GPHN: variants seen among roughly 807,000 people sequenced by gnomAD.
The protein encoded by GPHN is gephyrin.
In GPHN, 17 loss-of-function variants were observed where a neutral mutation model predicts 95.5. That is an observed-to-expected ratio of 0.18 (90% confidence interval 0.12 to 0.27). The LOEUF is 0.27. Ranked by LOEUF, GPHN falls within the 10% of genes least tolerant of loss-of-function variation. The probability of loss-of-function intolerance (pLI) is 1.00; values close to 1 mark genes in which losing one functional copy is unlikely to be tolerated. For synonymous variants in GPHN, 320 were observed against 322.5 expected (o/e 0.99, Z 0.08); for missense variants, 660 against 978.1 (o/e 0.67, Z 4.34).
At chr14:67,064,233 G>A (rs540004397) in intron 11 of GPHN, among the ~76,000 whole-genome samples, 75 of 152,196 alleles carry the variant, frequency 4.9e-4, no homozygotes, top group Middle Eastern at 3.4e-3. Flanking sequence ...GATGGATTAC[G>A]TTTATTGATT....
chr14:67,526,730 G>C, the GPHN span, among the ~76,000 whole-genome samples: 3 of 152,022 alleles, frequency 2.0e-5, no homozygotes, highest in African/African-American at 2.4e-5. Flanking sequence ...TGGGGCTCAG[G>C]GTCCTTGAAG....
chr14:66,575,067 C>T (rs1477835082), intron 1 of GPHN, among the ~76,000 whole-genome samples: 1 of 152,136 alleles, frequency 6.6e-6, no homozygotes, highest in Middle Eastern at 3.2e-3. Flanking sequence ...ATATATACAT[C>T]CTATTGATTC....
chr14:66,940,176 A>G (rs1363349887), intron 8 of GPHN, among the ~76,000 whole-genome samples: 2 of 151,982 alleles, frequency 1.3e-5, no homozygotes, highest in Non-Finnish European at 2.9e-5. Flanking sequence ...GGAGTGTCCC[A>G]TAGTATGGAG....
chr14:67,320,377 G>A, the GPHN span: 15 of 1,606,370 alleles, frequency 9.3e-6, no homozygotes, highest in Admixed American at 8.5e-5. Context: ...GAAAAGGACC[G>A]CTTTGCATCT....
chr14:67,236,859 G>A, the GPHN span, among the ~76,000 whole-genome samples: 68 of 152,104 alleles, frequency 4.5e-4, no homozygotes, highest in African/African-American at 1.6e-3. Context: ...AGGCCGAGGT[G>A]GGCAAATCAT....
chr14:67,427,627 C>G, the GPHN span, among the ~76,000 whole-genome samples: 2 of 152,188 alleles, frequency 1.3e-5, no homozygotes, highest in African/African-American at 4.8e-5. Flanking sequence ...AGTTCTTATT[C>G]CCAGGGCTCT....
At chr14:66,572,252 C>G (rs535714521) in intron 1 of GPHN, among the ~76,000 whole-genome samples, 1 of 152,200 alleles carries the variant, frequency 6.6e-6, no homozygotes, top group African/African-American at 2.4e-5. Flanking sequence ...TTGGTCGTTC[C>G]ATGTGAATTT....
At chr14:66,720,696 T>G (rs572531704) in intron 2 of GPHN, among the ~76,000 whole-genome samples, 9 of 152,328 alleles carry the variant, frequency 5.9e-5, no homozygotes, top group African/African-American at 1.9e-4. Flanking sequence ...TATTTCAATT[T>G]TATTTATAAA....
At chr14:67,349,161 G>GA in the GPHN span, 1 of 1,503,060 alleles carries the variant, frequency 6.7e-7, no homozygotes, top group South Asian at 1.1e-5. Flanking sequence ...AACCTACAGG[G>GA]ACCCACTGGA....
the GPHN span, among the ~76,000 whole-genome samples, chr14:67,297,039 T>C: frequency 2.6e-5 from 4 of 152,190 alleles, 1 homozygote; most frequent in South Asian, 8.3e-4. Context: ...AGAAAGCCAG[T>C]CACATTATTT....
the GPHN span, among the ~76,000 whole-genome samples, chr14:67,203,551 A>T: frequency 0.012 from 1,833 of 152,304 alleles, 19 homozygotes; most frequent in Non-Finnish European, 0.018. Context: ...CCTTTCTAGA[A>T]CATGCCTCCT....
chr14:66,508,496 C>G lies in GPHN; in HGVS notation c.-32C>G. On this transcript the variant is annotated 5_prime_UTR_variant, in exon 1 of 23. Transcript: ENST00000478722. ...CGCTCCGGGCTCCGGTTTCTCCCGG[C>G]TCCTGTCAGTGCGGTGACTGCGCTG... 3 of 1,608,192 alleles carry G rather than the reference C, an allele frequency of 1.9e-6. No homozygotes were observed. Among genetic ancestry groups the G allele is most frequent in the Non-Finnish European group, 2.6e-6 (3 of 1,174,622 alleles).
the GPHN span, chr14:67,659,716 A>G: frequency 6.4e-7 from 1 of 1,573,168 alleles, no homozygotes; most frequent in Non-Finnish European, 8.6e-7. Context: ...AACAAACAAA[A>G]CAGCTAAAAC....
intron 3 of GPHN, among the ~76,000 whole-genome samples, chr14:66,804,035 T>C (rs889866341): frequency 1.3e-5 from 2 of 152,146 alleles, no homozygotes; most frequent in Admixed American, 1.3e-4. Context: ...TCCTCTCAAT[T>C]TTGGGTTCTA....
chr14:67,492,648 G>A, the GPHN span, among the ~76,000 whole-genome samples: 2 of 152,332 alleles, frequency 1.3e-5, no homozygotes, highest in East Asian at 3.9e-4. Context: ...AGACAAGCCT[G>A]GACCGCTCTT....
chr14:67,574,211 C>T, the GPHN span: 2 of 1,548,726 alleles, frequency 1.3e-6, no homozygotes, highest in Admixed American at 1.9e-5. This position sits in a 1 kb window ranked among gnomAD's most constrained non-coding sequence, Gnocchi z 4.2. Context: ...TCCCAGCGTG[C>T]TGCCCCACCC....
chr14:67,696,831 G>A, the GPHN span, among the ~76,000 whole-genome samples: 1 of 152,050 alleles, frequency 6.6e-6, no homozygotes, highest in East Asian at 1.9e-4. Context: ...ATATTTTCTG[G>A]TCCTTTTGCA....
chr14:67,204,006 C>T, the GPHN span, among the ~76,000 whole-genome samples: 1 of 152,202 alleles, frequency 6.6e-6, no homozygotes, highest in Non-Finnish European at 1.5e-5. Flanking sequence ...GCCACTGCAC[C>T]CAGCCCATTC....
chr14:66,739,218 C>CT (rs540067795), intron 2 of GPHN, among the ~76,000 whole-genome samples: 40,254 of 134,538 alleles, frequency 0.3, 8,620 homozygotes, highest in African/African-American at 0.57. Flanking sequence ...TTTCTTACAG[C>CT]TTTTTTTTTT....
Sources: gnomAD v4.1 joint callset for allele counts (sites outside exome capture counted in the v4.1 genomes callset) on GRCh38, gnomAD v4.1.1 for gene constraint, Gnocchi (gnomAD v3.1) non-coding constraint, MANE v1.5 for transcripts, NCBI Gene and HGNC (gene_info 2026-07-23, HGNC 2026-07-21) for gene names.